The following NDUFA10 variants were observed in gnomAD, a reference collection of about 807,000 sequenced individuals.
NDUFA10 encodes NADH dehydrogenase [ubiquinone] 1 alpha subcomplex subunit 10, mitochondrial.
In NDUFA10, 40 loss-of-function variants were observed where a neutral mutation model predicts 47.8. The observed-to-expected ratio is 0.84, with a 90% confidence interval of 0.65 to 1.09. NDUFA10 has a LOEUF of 1.09. Ranked by LOEUF, NDUFA10 falls within the 50% of genes least tolerant of loss-of-function variation. NDUFA10 has a pLI of 0.00. For synonymous variants in NDUFA10, 183 were observed against 172.2 expected (o/e 1.06, Z -0.49); for missense variants, 413 against 451.1 (o/e 0.92, Z 0.76).
At chr2:239,961,591 G>A (rs539664527) in intron 9 of NDUFA10, among the ~76,000 whole-genome samples, 6 of 152,322 alleles carry the variant, frequency 3.9e-5, no homozygotes, top group Admixed American at 1.3e-4. Context: ...CTGAAACACC[G>A]AGTTCTCTCT....
intron 9 of NDUFA10, among the ~76,000 whole-genome samples, chr2:239,981,624 T>C (rs773837373): frequency 2.0e-4 from 30 of 152,058 alleles, no homozygotes; most frequent in Non-Finnish European, 3.7e-4. Flanking sequence ...GTCAAAGCAT[T>C]ACTCGTTTTC....
At position 240,005,311 on chromosome 2, in the gene NDUFA10, T is replaced by A; in HGVS notation, c.805-16A>T. Reference sequence around the variant, plus strand: ...CCTCTACCACCTAAGACAGGAAAAATTCCAATTTAAACAGAGAACCCCATT... The same window carrying A: ...CCTCTACCACCTAAGACAGGAAAAAATCCAATTTAAACAGAGAACCCCATT... On this transcript the variant is annotated splice_polypyrimidine_tract_variant and intron_variant, in intron 7 of 9. Transcript: ENST00000252711. 1 of 1,605,480 alleles carries A rather than the reference T, an allele frequency of 6.2e-7. No individual in the cohort carries two copies. The highest frequency in any genetic ancestry group is 8.5e-7 in the Non-Finnish European group (1 of 1,172,382).
chr2:240,001,206 G>A (rs1185990389), intron 8 of NDUFA10, among the ~76,000 whole-genome samples: 1 of 152,144 alleles, frequency 6.6e-6, no homozygotes, highest in African/African-American at 2.4e-5. Flanking sequence ...TCCATAAAGC[G>A]TGAATTGAGG....
At chr2:239,915,827 AACAC>A (rs147177417) in intron 4 of NDUFA10, among the ~76,000 whole-genome samples, 1 of 147,632 alleles carries the variant, frequency 6.8e-6, no homozygotes, top group Admixed American at 6.7e-5. Context: ...GAGATACACA[AACAC>A]ACACACAGAA....
At chr2:239,993,549 G>A (rs1696341883) in intron 8 of NDUFA10, among the ~76,000 whole-genome samples, 1 of 152,144 alleles carries the variant, frequency 6.6e-6, no homozygotes, top group Non-Finnish European at 1.5e-5. Flanking sequence ...ATTAATTCTG[G>A]GAAAGGAAAT....
At position 239,912,342 on chromosome 2, in the gene NDUFA10, C is replaced by A. The variant is rs150730338; in HGVS notation, c.295-17028G>T. Among the ~76,000 whole-genome samples, 516 of 152,322 alleles carry A rather than the reference C, an allele frequency of 3.4e-3. 4 individuals are homozygous for A. Among genetic ancestry groups the A allele is most frequent in the African/African-American group, 0.012 (502 of 41,570 alleles). ...TGGGAAGCGGATTCGTGGGGCCGAG[C>A]TGCAGCTGGCCTCCAGGCTGTAGCT... On this transcript the variant is annotated intron_variant, in intron 4 of 5. Coordinates refer to the NDUFA10 transcript ENST00000419408.
intron 5 of NDUFA10, chr2:239,895,159 C>A: frequency 2.5e-6 from 1 of 401,946 alleles, no homozygotes; most frequent in Non-Finnish European, 5.3e-6. Flanking sequence ...ACGTCACATC[C>A]TCCCTCTCCA....
At chr2:239,937,717 TTTA>T (rs1694288293) in intron 4 of NDUFA10, among the ~76,000 whole-genome samples, 1 of 152,192 alleles carries the variant, frequency 6.6e-6, no homozygotes, top group African/African-American at 2.4e-5. Context: ...ATTCTACTCA[TTTA>T]TTTTTTGAGG....
At chr2:239,901,772 GA>G (rs751614273) in intron 4 of NDUFA10, among the ~76,000 whole-genome samples, 1 of 151,546 alleles carries the variant, frequency 6.6e-6, no homozygotes, top group Non-Finnish European at 1.5e-5. Context: ...TGATTCATGG[GA>G]GGAAGTCAAA....
chr2:239,941,302 G>A (rs1694356451), intron 4 of NDUFA10, among the ~76,000 whole-genome samples: 1 of 152,208 alleles, frequency 6.6e-6, no homozygotes, highest in African/African-American at 2.4e-5. Flanking sequence ...GGCAATGGGA[G>A]TGGCACATAG....
In NDUFA10 at chr2:239,915,327, C is replaced by G. The variant is rs866439185; in HGVS notation, c.295-20013G>C. 5.0e-5 allele frequency among the ~76,000 whole-genome samples: 5 copies of G among 100,910 alleles called. 1 individual carries two copies. The East Asian group carries it at 1.2e-3, about 24-fold the overall frequency. The allele number at this position is 100,910 out of a possible 152,430, so 66.2% of individuals were successfully genotyped here. ...ACAGAGATAAACATACACACACACACAGAGAACGAAGACATACTCAGACAC... is the reference window on the plus strand; with the variant it reads ...ACAGAGATAAACATACACACACACAGAGAGAACGAAGACATACTCAGACAC... On this transcript the variant is annotated intron_variant, in intron 4 of 5. Coordinates refer to the NDUFA10 transcript ENST00000419408.
chr2:239,981,830 G>T lies in NDUFA10; in HGVS notation c.999+8244C>A, dbSNP rs574162258. Among the ~76,000 whole-genome samples the T allele has an allele frequency of 1.2e-3, 180 of 151,760 alleles. 1 individual carries two copies. The highest frequency in any genetic ancestry group is 4.0e-3 in the African/African-American group (165 of 41,354). ...AGTTTTAGTAATTTTATTATTTTTA[G>T]AAAATTAATTGGGATTATAGAAATT... On this transcript the variant is annotated intron_variant, in intron 9 of 9. Transcript: ENST00000252711.
At chr2:239,936,199 C>T (rs1025295301) in intron 4 of NDUFA10, among the ~76,000 whole-genome samples, 1 of 152,174 alleles carries the variant, frequency 6.6e-6, no homozygotes, top group Non-Finnish European at 1.5e-5. Flanking sequence ...GCAGCAGATG[C>T]CCTGTGCATG....
chr2:240,005,184 A>G (rs1456587870), intron 8 of NDUFA10, 26 bp downstream of exon 8: 1 of 1,591,570 alleles, frequency 6.3e-7, no homozygotes, highest in Non-Finnish European at 8.6e-7. Context: ...CCAGACATGC[A>G]GCAGCCCCCA....
chr2:239,893,662 C>T (rs547390275), intron 5 of NDUFA10, among the ~76,000 whole-genome samples: 5 of 152,286 alleles, frequency 3.3e-5, no homozygotes, highest in East Asian at 1.9e-4. Flanking sequence ...CTAATCCATT[C>T]ATGAGGACCT....
At chr2:239,966,947 G>A (rs898875753) in intron 9 of NDUFA10, among the ~76,000 whole-genome samples, 33 of 147,794 alleles carry the variant, frequency 2.2e-4, no homozygotes, top group Non-Finnish European at 4.6e-4. Flanking sequence ...AATTGGAGCC[G>A]TGTCCCCTGG....
chr2:239,955,652 G>A (rs1469415887), downstream of NDUFA10, among the ~76,000 whole-genome samples: 1 of 152,186 alleles, frequency 6.6e-6, no homozygotes, highest in Non-Finnish European at 1.5e-5. Flanking sequence ...GGTTGCTGTT[G>A]GCTGACTTGG....
chr2:239,989,740 C>A (rs1486771106), intron 9 of NDUFA10, among the ~76,000 whole-genome samples: 1 of 152,194 alleles, frequency 6.6e-6, no homozygotes, highest in African/African-American at 2.4e-5. Context: ...TATTTACAGA[C>A]AAAGAGTAAG....
chr2:239,930,300 G>C (rs1694145285), intron 4 of NDUFA10, among the ~76,000 whole-genome samples: 1 of 151,846 alleles, frequency 6.6e-6, no homozygotes, highest in Non-Finnish European at 1.5e-5. Flanking sequence ...TGCCACCCCT[G>C]CTCCTCCATT....
Sources: allele counts gnomAD v4.1 joint callset (sites outside exome capture counted in the v4.1 genomes callset), GRCh38; gene constraint gnomAD v4.1.1; transcripts MANE v1.5; gene names NCBI Gene and HGNC (gene_info 2026-07-23, HGNC 2026-07-21).